Variants in LYSMD4 observed in about 807,000 individuals in gnomAD.
The protein encoded by LYSMD4 is lysM and putative peptidoglycan-binding domain-containing protein 4.
In LYSMD4, 9 loss-of-function variants were observed where a neutral mutation model predicts 6.1. That is an observed-to-expected ratio of 1.47 (90% CI 0.88 to 2.56). The LOEUF is 2.56. Ranked by LOEUF, LYSMD4 falls within the 30% of genes most tolerant of loss-of-function variation. The pLI, the probability that LYSMD4 is intolerant of heterozygous loss-of-function variation, is 0.00. For synonymous variants in LYSMD4, 143 were observed against 148.5 expected, an observed-to-expected ratio of 0.96 and a Z score of 0.27; for missense variants, 384 against 373.5, an observed-to-expected ratio of 1.03 and a Z score of -0.23.
At chr15:99,717,455 A>G (rs2059196011) in exon 1 of LYSMD4, 1 of 152,150 alleles carries the variant, frequency 6.6e-6, no homozygotes, top group South Asian at 2.1e-4. Flanking sequence ...CTCGGTTGTA[A>G]AACTGAGAGG....
At chr15:99,717,559 T>A (rs934436442) in exon 1 of LYSMD4, 1 of 151,656 alleles carries the variant, frequency 6.6e-6, no homozygotes, top group African/African-American at 2.4e-5. Context: ...AGAAAGTTGC[T>A]GAGCCCCGTC....
upstream of LYSMD4, chr15:99,717,867 A>G (rs925712088): frequency 9.9e-5 from 15 of 152,240 alleles, no homozygotes; most frequent in African/African-American, 3.4e-4. Flanking sequence ...TTCACTACAC[A>G]GTCCCCCCTT....
chr15:99,725,394 T>C (rs187538573), downstream of LYSMD4, among the ~76,000 whole-genome samples: 3 of 152,342 alleles, frequency 2.0e-5, no homozygotes, highest in East Asian at 3.9e-4. Flanking sequence ...TTTGTTGGAT[T>C]ACCAATAAAT....
downstream of LYSMD4, among the ~76,000 whole-genome samples, chr15:99,725,237 T>C (rs2059268522): frequency 6.6e-6 from 1 of 152,136 alleles, no homozygotes; most frequent in Non-Finnish European, 1.5e-5. Flanking sequence ...ACTTCCTGGC[T>C]CCTTACTTCT....
At chr15:99,720,948 CCTCT>C (rs2059233028), upstream of LYSMD4, 1 of 152,188 alleles carries the variant, frequency 6.6e-6, no homozygotes, top group African/African-American at 2.4e-5. Flanking sequence ...TCAATTTCTC[CCTCT>C]CTCCTAGATC....
upstream of LYSMD4, among the ~76,000 whole-genome samples, chr15:99,718,992 G>A (rs910153793): frequency 2.6e-5 from 4 of 152,116 alleles, no homozygotes; most frequent in South Asian, 2.1e-4. Context: ...TGGTTTACGC[G>A]AATGCTTTGG....
chr15:99,726,935 CCTGT>C (rs2059288534), downstream of LYSMD4, among the ~76,000 whole-genome samples: 1 of 152,190 alleles, frequency 6.6e-6, no homozygotes, highest in Non-Finnish European at 1.5e-5. Context: ...TTGTCCTGCA[CCTGT>C]CTGAGTAACC....
downstream of LYSMD4, among the ~76,000 whole-genome samples, chr15:99,722,809 C>T (rs1323747644): frequency 6.6e-6 from 1 of 152,064 alleles, no homozygotes; most frequent in Admixed American, 6.6e-5. Context: ...CTGGGGCGGG[C>T]GGATCACTTG....
intron 2 of LYSMD4, 41 bp from the exon 3 acceptor site, chr15:99,729,772 C>G: frequency 1.3e-6 from 2 of 1,543,866 alleles, no homozygotes; most frequent in Non-Finnish European, 1.7e-6. Context: ...ATATGCGGAG[C>G]TCCTTAAAAA....
chr15:99,731,683 A>C (rs937467920), intron 2 of LYSMD4, 35 bp downstream of exon 2: 3 of 1,540,154 alleles, frequency 1.9e-6, no homozygotes, highest in Admixed American at 3.9e-5. Context: ...GTTCCTTGAA[A>C]CGGAGCGGGG....
At chr15:99,733,304 T>A (rs2059469702) in intron 1 of LYSMD4, 41 bp downstream of exon 1, 1 of 389,344 alleles carries the variant, frequency 2.6e-6, no homozygotes, top group African/African-American at 2.1e-5. Context: ...CCCGCGCGGC[T>A]CCCTAGCCAG....
At chr15:99,732,362 C>T (rs574120954) in intron 1 of LYSMD4, among the ~76,000 whole-genome samples, 8 of 152,346 alleles carry the variant, frequency 5.3e-5, no homozygotes, top group African/African-American at 1.9e-4. Context: ...AGGGCTGCCG[C>T]CAGCCTCCGC....
chr15:99,727,757 A>G lies in LYSMD4; in HGVS notation c.*1366T>C, dbSNP rs1246075538. ...GAGAGAAATCGGAAATCACTCTTAC[A>G]TGGTGAGACCTTTGATACTTTTCTC... On this transcript the variant is annotated 3_prime_UTR_variant, in exon 3 of 3. Coordinates refer to ENST00000684762, the MANE Select transcript of LYSMD4 (RefSeq NM_001284417.2). 2 of 152,262 alleles carry G rather than the reference A, an allele frequency of 1.3e-5. No homozygotes were observed. The highest frequency in any genetic ancestry group is 2.1e-4 in the South Asian group (1 of 4,832). 9.4% of individuals were successfully genotyped at this position (152,262 alleles called of 1,614,324 possible). A position where few individuals can be genotyped will look rare whatever the true frequency, so the allele number is the denominator to read the frequency against.
At position 99,731,810 on chromosome 15, in the gene LYSMD4, G is replaced by T; in HGVS notation, c.190C>A (p.Pro64Thr). Residue 64 changes from proline (P) to threonine (T), a missense_variant, in exon 2 of 3, where the codon CCC (proline) becomes ACC (threonine). Coordinates refer to ENST00000684762, the MANE Select transcript of LYSMD4 (RefSeq NM_001284417.2). ...ACCACGTCACCTGCTCCCGCCTGGGGAGGCTGGTGGACACCGCTCTTGTGG... is the reference window on the plus strand; with the variant it reads ...ACCACGTCACCTGCTCCCGCCTGGGTAGGCTGGTGGACACCGCTCTTGTGG... Reference protein sequence around the residue: ...ERHKSGVHQPPQAGAGDVVLL... With the variant: ...ERHKSGVHQPTQAGAGDVVLL... The T allele has an allele frequency of 6.2e-7, 1 of 1,612,590 alleles. No homozygotes were observed. The highest frequency in any genetic ancestry group is 1.1e-5 in the South Asian group (1 of 91,026).
At chr15:99,730,913 C>G (rs1271632574) in intron 2 of LYSMD4, among the ~76,000 whole-genome samples, 1 of 152,168 alleles carries the variant, frequency 6.6e-6, no homozygotes, top group Admixed American at 6.5e-5. Flanking sequence ...ATATAATTGT[C>G]AGTACAATTT....
At chr15:99,726,276 C>T (rs1403668148), downstream of LYSMD4, among the ~76,000 whole-genome samples, 1 of 146,672 alleles carries the variant, frequency 6.8e-6, no homozygotes, top group African/African-American at 2.5e-5. Flanking sequence ...CCCAAGTAAC[C>T]AGGACTACAG....
At chr15:99,731,136 G>A (rs776112724) in intron 2 of LYSMD4, 1 of 1,597,354 alleles carries the variant, frequency 6.3e-7, no homozygotes, top group Non-Finnish European at 8.6e-7. Context: ...CAATCTAGGA[G>A]AAAATGCAGC....
At chr15:99,732,081 G>A in intron 1 of LYSMD4, 74 bp from the exon 2 acceptor site, 1 of 1,432,874 alleles carries the variant, frequency 7.0e-7, no homozygotes, top group South Asian at 1.4e-5. Flanking sequence ...AAAGAGAAGT[G>A]TCTTGTTAGA....
rs542150937 is a variant in LYSMD4, at chr15:99,731,866, C to T, written c.134G>A (p.Arg45His). The change falls in exon 2 of 3, where the codon CGT becomes CAT. Residue 45 changes from arginine to histidine, a missense_variant. Transcript: ENST00000684762. ...CTTGCCCCGGGGCCGCAAAACCACA[C>T]GGTGAGACTCTTCTTCAGAAGAGTC... Reference protein sequence around the residue: ...SGDSSEEESHRVVLRPRGKER... With the variant: ...SGDSSEEESHHVVLRPRGKER... The T allele has an allele frequency of 6.2e-7, 1 of 1,613,570 alleles. No homozygotes were observed. Among genetic ancestry groups the T allele is most frequent in the South Asian group, 1.1e-5 (1 of 91,078 alleles).
Sources: gnomAD v4.1 joint callset for allele counts (sites outside exome capture counted in the v4.1 genomes callset) on GRCh38, gnomAD v4.1.1 for gene constraint, MANE v1.5 for transcripts, NCBI Gene and HGNC (gene_info 2026-07-23, HGNC 2026-07-21) for gene names.